The following PTPRD variants were observed in gnomAD, a reference collection of about 807,000 sequenced individuals.
PTPRD encodes receptor-type tyrosine-protein phosphatase delta.
A neutral mutation model predicts 214.5 loss-of-function variants in PTPRD; 34 were observed. That is an observed-to-expected ratio of 0.16 (90% CI 0.12 to 0.21). The LOEUF is 0.21. Among genes scored for constraint, PTPRD ranks in the 10% least tolerant of loss-of-function variants. The probability of loss-of-function intolerance (pLI) is 1.00; values close to 1 mark genes in which losing one functional copy is unlikely to be tolerated. For synonymous variants in PTPRD, 1,128 were observed against 845.7 expected (o/e 1.33, Z -5.79); for missense variants, 2,545 against 2,398.7 (o/e 1.06, Z -1.27).
chr9:9,975,175 A>T (rs2095307901), intron 4 of PTPRD, among the ~76,000 whole-genome samples: 1 of 152,176 alleles, frequency 6.6e-6, no homozygotes, highest in Admixed American at 6.5e-5. Flanking sequence ...CAGTAGACAC[A>T]GTAAGACTGT....
At chr9:10,397,203 C>T (rs1045174466) in intron 2 of PTPRD, among the ~76,000 whole-genome samples, 1 of 152,048 alleles carries the variant, frequency 6.6e-6, no homozygotes, top group Non-Finnish European at 1.5e-5. Context: ...CTTGCATTTG[C>T]ACACCAGATT....
intron 3 of PTPRD, among the ~76,000 whole-genome samples, chr9:10,045,524 T>A (rs983015571): frequency 6.6e-6 from 1 of 151,712 alleles, no homozygotes; most frequent in African/African-American, 2.4e-5. Context: ...CAATAAGATA[T>A]TTTTTATATT....
At chr9:9,109,930 A>G (rs2099803729) in intron 10 of PTPRD, among the ~76,000 whole-genome samples, 1 of 152,014 alleles carries the variant, frequency 6.6e-6, no homozygotes, top group Non-Finnish European at 1.5e-5. Flanking sequence ...ACATTTCTAT[A>G]AGGGTCACAG....
At chr9:9,201,316 T>C (rs527671462) in intron 9 of PTPRD, among the ~76,000 whole-genome samples, 58 of 152,316 alleles carry the variant, frequency 3.8e-4, no homozygotes, top group African/African-American at 1.2e-3. Context: ...GTTTGCATTT[T>C]GGTGGCAAGG....
intron 4 of PTPRD, among the ~76,000 whole-genome samples, chr9:10,008,683 G>A (rs952300248): frequency 2.6e-5 from 4 of 151,816 alleles, no homozygotes; most frequent in African/African-American, 7.3e-5. Flanking sequence ...CAGAAGCTAA[G>A]CTTCCCAGTC....
chr9:10,560,088 G>A (rs1355858280), intron 2 of PTPRD, among the ~76,000 whole-genome samples: 1 of 152,078 alleles, frequency 6.6e-6, no homozygotes, highest in Non-Finnish European at 1.5e-5. Flanking sequence ...AAATCATGTT[G>A]CTATAAAAAC....
At position 8,951,328 on chromosome 9, in the gene PTPRD, T is replaced by G. The variant is rs185526918; in HGVS notation, c.-104+67369A>C. 3.5e-4 allele frequency among the ~76,000 whole-genome samples: 52 copies of G among 150,420 alleles called. 1 individual carries two copies. Among genetic ancestry groups the G allele is most frequent in the African/African-American group, 1.2e-3 (50 of 40,344 alleles). ...TTCTCTGCTGGATCCTCCTTTTTTT[T>G]TTTTTTTTTTCAGTCCCGTAAACAT... On this transcript the variant is annotated intron_variant, in intron 11 of 45. Transcript: ENST00000381196.
At chr9:9,358,002 T>G (rs2054508579) in intron 9 of PTPRD, among the ~76,000 whole-genome samples, 1 of 151,352 alleles carries the variant, frequency 6.6e-6, no homozygotes, top group Non-Finnish European at 1.5e-5. Context: ...AACAGAATTC[T>G]TCCTGTGAAC....
intron 9 of PTPRD, among the ~76,000 whole-genome samples, chr9:9,318,876 A>C (rs1964882242): frequency 1.3e-5 from 2 of 152,170 alleles, no homozygotes; most frequent in Admixed American, 1.3e-4. Context: ...TCTGCTCTTC[A>C]TCCCACCTGC....
At chr9:10,406,290 T>C (rs1313940706) in intron 2 of PTPRD, among the ~76,000 whole-genome samples, 1 of 151,560 alleles carries the variant, frequency 6.6e-6, no homozygotes, top group Non-Finnish European at 1.5e-5. Flanking sequence ...TAAGTAACCA[T>C]TTAAGTTACC....
chr9:9,490,297 G>C (rs1272093055), intron 8 of PTPRD, among the ~76,000 whole-genome samples: 2 of 151,986 alleles, frequency 1.3e-5, no homozygotes, highest in African/African-American at 2.4e-5. Context: ...CAACACAATA[G>C]CTAGAAGCTA....
intron 7 of PTPRD, among the ~76,000 whole-genome samples, chr9:9,649,931 T>C (rs974305616): frequency 1.3e-5 from 2 of 152,176 alleles, no homozygotes; most frequent in African/African-American, 2.4e-5. Flanking sequence ...AATGTGATAG[T>C]ATACTGTGCT....
chr9:10,011,887 GACAGTGGGGATAAACCT>G (rs1040154157), intron 4 of PTPRD, among the ~76,000 whole-genome samples: 5 of 151,956 alleles, frequency 3.3e-5, no homozygotes, highest in African/African-American at 9.7e-5. Flanking sequence ...AGGATGCAGA[GACAGTGGGGATAAACCT>G]TCATAGAGTC....
At chr9:9,327,719 T>TA (rs2040551740) in intron 9 of PTPRD, among the ~76,000 whole-genome samples, 1 of 152,094 alleles carries the variant, frequency 6.6e-6, no homozygotes, top group Non-Finnish European at 1.5e-5. Flanking sequence ...AGCTCAAGAA[T>TA]ACTTCTATTT....
intron 3 of PTPRD, among the ~76,000 whole-genome samples, chr9:10,180,666 A>T (rs557214806): frequency 4.0e-5 from 6 of 151,568 alleles, no homozygotes; most frequent in African/African-American, 1.4e-4. Context: ...AAAAATACTA[A>T]AAAAATAGAT....
intron 9 of PTPRD, among the ~76,000 whole-genome samples, chr9:9,347,036 G>A (rs961369711): frequency 2.6e-5 from 4 of 151,930 alleles, no homozygotes; most frequent in Admixed American, 6.6e-5. Flanking sequence ...GTGTGTTGGC[G>A]CACGCTTGTA....
intron 7 of PTPRD, among the ~76,000 whole-genome samples, chr9:9,607,058 T>C (rs1358931847): frequency 7.2e-6 from 1 of 138,020 alleles, no homozygotes; most frequent in Non-Finnish European, 1.5e-5. Flanking sequence ...CACCCTTAAA[T>C]GGAAACTCCC....
At chr9:9,673,641 CTA>C (rs2154390265) in intron 7 of PTPRD, among the ~76,000 whole-genome samples, 1 of 150,858 alleles carries the variant, frequency 6.6e-6, no homozygotes, top group East Asian at 2.0e-4. Context: ...GATAAGATAA[CTA>C]AAAATATTTC....
At chr9:8,802,315 G>C (rs961225071) in intron 11 of PTPRD, among the ~76,000 whole-genome samples, 9 of 152,196 alleles carry the variant, frequency 5.9e-5, no homozygotes, top group Non-Finnish European at 1.0e-4. Context: ...CTCTACTTCA[G>C]ACACCATGTA....
Sources: gnomAD v4.1 joint callset for allele counts (sites outside exome capture counted in the v4.1 genomes callset) on GRCh38, gnomAD v4.1.1 for gene constraint, MANE v1.5 for transcripts, NCBI Gene and HGNC (gene_info 2026-07-23, HGNC 2026-07-21) for gene names.